SGCD: variants seen among roughly 807,000 people sequenced by gnomAD.
The protein encoded by SGCD is sarcoglycan delta.
In SGCD, 18 loss-of-function variants were observed where a neutral mutation model predicts 36.6. That is an observed-to-expected ratio of 0.49 (90% confidence interval 0.34 to 0.73). The LOEUF is 0.73. Ranked by LOEUF, SGCD falls within the 30% of genes least tolerant of loss-of-function variation. The pLI is 0.01. For synonymous variants in SGCD, 133 were observed against 130.6 expected (o/e 1.02, Z -0.12); for missense variants, 387 against 346.7 (o/e 1.12, Z -0.92).
rs184588704 is a variant in SGCD at position 156,641,350 on chromosome 5, A to G, written c.503-6114A>G. Among the ~76,000 whole-genome samples the G allele has an allele frequency of 3.2e-3, 493 of 152,316 alleles. 8 individuals carry two copies. The highest frequency in any genetic ancestry group is 0.03 in the Admixed American group (457 of 15,300). Reference sequence around the variant, plus strand: ...CAGAGACAAAAACTATATCTCACATATGTTGGAAATCTTTAAACAGTGGGA... The same window carrying G: ...CAGAGACAAAAACTATATCTCACATGTGTTGGAAATCTTTAAACAGTGGGA... On this transcript the variant is annotated intron_variant, in intron 6 of 8. Transcript: ENST00000337851.
At chr5:156,048,265 T>C (rs1407103913) in intron 1 of SGCD, among the ~76,000 whole-genome samples, 7 of 152,334 alleles carry the variant, frequency 4.6e-5, no homozygotes, top group Admixed American at 4.6e-4. Flanking sequence ...CTATTGTGAA[T>C]AGTGCCGCAA....
intron 3 of SGCD, among the ~76,000 whole-genome samples, chr5:156,446,961 C>G (rs1294298698): frequency 1.3e-5 from 2 of 152,124 alleles, no homozygotes; most frequent in Non-Finnish European, 2.9e-5. Context: ...AGTGGCAAAC[C>G]TAGAGCTTTA....
intron 3 of SGCD, among the ~76,000 whole-genome samples, chr5:156,147,697 T>C (rs957431646): frequency 6.6e-6 from 1 of 152,156 alleles, no homozygotes; most frequent in Non-Finnish European, 1.5e-5. Flanking sequence ...AGTCAATAAA[T>C]AGAAGAGAAA....
At chr5:156,573,730 A>G (rs936112718) in intron 4 of SGCD, among the ~76,000 whole-genome samples, 4 of 152,078 alleles carry the variant, frequency 2.6e-5, no homozygotes, top group Admixed American at 1.3e-4. Flanking sequence ...GTCTCACTCT[A>G]TCACCCAGTC....
chr5:156,342,196 A>G (rs1580845861), intron 2 of SGCD, among the ~76,000 whole-genome samples: 1 of 152,238 alleles, frequency 6.6e-6, no homozygotes, highest in East Asian at 1.9e-4. Context: ...TGTCATTTCC[A>G]TTTTATAGCT....
intron 3 of SGCD, among the ~76,000 whole-genome samples, chr5:156,181,976 T>A (rs943494615): frequency 6.6e-6 from 1 of 152,222 alleles, no homozygotes; most frequent in African/African-American, 2.4e-5. Flanking sequence ...TGCGAGAGGC[T>A]TGTTCTTTGC....
At chr5:155,927,210 G>A (rs918802552) in intron 1 of SGCD, among the ~76,000 whole-genome samples, 1 of 152,162 alleles carries the variant, frequency 6.6e-6, no homozygotes, top group African/African-American at 2.4e-5. Context: ...TATAAGTAAA[G>A]CGCTTAGAAT....
At position 156,217,257 on chromosome 5, in the gene SGCD, G is replaced by C. The variant is rs59289032; in HGVS notation, c.-44+93238G>C. Among the ~76,000 whole-genome samples, 1,014 of 152,238 alleles carry C rather than the reference G, an allele frequency of 6.7e-3. 8 individuals are homozygous for C. The highest frequency in any genetic ancestry group is 0.022 in the African/African-American group (914 of 41,532). On this transcript the variant is annotated intron_variant, in intron 3 of 9. Coordinates refer to the SGCD transcript ENST00000517913. ...ATATACTTCTGTTAAGTGTCTTAGT[G>C]TTAGACTGAAATTTATTCAACTGTG...
intron 1 of SGCD, among the ~76,000 whole-genome samples, chr5:156,047,461 T>G (rs1315493523): frequency 6.6e-6 from 1 of 152,226 alleles, no homozygotes; most frequent in East Asian, 1.9e-4. Flanking sequence ...GGACAATGCA[T>G]CTGGTGACTA....
intron 4 of SGCD, among the ~76,000 whole-genome samples, chr5:156,521,895 T>A (rs985908104): frequency 1.3e-5 from 2 of 152,118 alleles, no homozygotes; most frequent in African/African-American, 2.4e-5. Context: ...TACATACATG[T>A]GTATGTTCAC....
the SGCD span, among the ~76,000 whole-genome samples, chr5:155,784,423 G>A: frequency 7.9e-5 from 12 of 152,186 alleles, no homozygotes; most frequent in Non-Finnish European, 1.2e-4. Flanking sequence ...GAAGGTGTCA[G>A]TAGTGCCATG....
chr5:156,033,253 A>G (rs1398348458), intron 1 of SGCD, among the ~76,000 whole-genome samples: 1 of 152,168 alleles, frequency 6.6e-6, no homozygotes, highest in Non-Finnish European at 1.5e-5. Context: ...AAATTTTAAT[A>G]TATTTAGGGG....
intron 3 of SGCD, among the ~76,000 whole-genome samples, chr5:156,361,998 C>G (rs1392754895): frequency 6.6e-6 from 1 of 152,146 alleles, no homozygotes; most frequent in Non-Finnish European, 1.5e-5. Flanking sequence ...ATGGGAAGAG[C>G]TGGGCAAGAT....
chr5:156,168,416 A>C (rs1763262988), intron 3 of SGCD, among the ~76,000 whole-genome samples: 2 of 151,894 alleles, frequency 1.3e-5, no homozygotes, highest in Admixed American at 1.3e-4. Context: ...CAGTTTCTGC[A>C]TAACATAAGT....
intron 3 of SGCD, among the ~76,000 whole-genome samples, chr5:156,232,969 T>C (rs977788550): frequency 2.0e-5 from 3 of 152,310 alleles, no homozygotes; most frequent in Non-Finnish European, 4.4e-5. Flanking sequence ...CTCTAGTGTA[T>C]GGTAGCTAGA....
intron 3 of SGCD, among the ~76,000 whole-genome samples, chr5:156,470,638 ATC>A (rs1351364214): frequency 6.6e-6 from 1 of 152,052 alleles, no homozygotes; most frequent in African/African-American, 2.4e-5. Context: ...ATTTTTTTCT[ATC>A]ATTTCTTTTG....
At chr5:155,993,726 T>A (rs1423034981) in intron 1 of SGCD, among the ~76,000 whole-genome samples, 1 of 152,184 alleles carries the variant, frequency 6.6e-6, no homozygotes, top group East Asian at 1.9e-4. Context: ...TCAGAATATC[T>A]TGCCCATGGA....
chr5:156,552,015 T>A (rs1387911601), intron 4 of SGCD, among the ~76,000 whole-genome samples: 1 of 152,210 alleles, frequency 6.6e-6, no homozygotes, highest in Non-Finnish European at 1.5e-5. Context: ...ATTTGGCTTG[T>A]TTAACCTTAA....
chr5:156,632,385 T>C (rs1762671284), intron 6 of SGCD, among the ~76,000 whole-genome samples: 1 of 152,196 alleles, frequency 6.6e-6, no homozygotes, highest in South Asian at 2.1e-4. Context: ...GGATGTTGAA[T>C]AGGCAGAGAC....
Sources: gnomAD v4.1 joint callset for allele counts (sites outside exome capture counted in the v4.1 genomes callset) on GRCh38, gnomAD v4.1.1 for gene constraint, MANE v1.5 for transcripts, NCBI Gene and HGNC (gene_info 2026-07-23, HGNC 2026-07-21) for gene names.